MFSD8: variants seen among roughly 807,000 people sequenced by gnomAD.
MFSD8 encodes major facilitator superfamily domain-containing protein 8.
A neutral mutation model predicts 66.4 loss-of-function variants in MFSD8; 55 were observed. The observed-to-expected ratio is 0.83, with a 90% CI of 0.67 to 1.04. The LOEUF is 1.04. Ranked by LOEUF, MFSD8 falls within the 50% of genes least tolerant of loss-of-function variation. The pLI is 0.00. For synonymous variants in MFSD8, 202 were observed against 212.8 expected (o/e 0.95, Z 0.44); for missense variants, 550 against 627.6 (o/e 0.88, Z 1.32).
Position 127,921,721 on chromosome 4 carries a change from C to G in MFSD8, c.1153G>C (p.Gly385Arg), listed in dbSNP as rs11098943. 11,657 of 1,614,010 alleles carry G rather than the reference C, an allele frequency of 7.2e-3. 575 individuals are homozygous for G. The Admixed American group carries it at 0.1, about 14-fold the overall frequency. ...PNTTFGEIII[G>R]LWKSPMEDDN... ...TCTTCCATTGGAGACTTCCAAAGAC[C>G]AATAATAATTTCCCCAAATGTGGTA... Residue 385 changes from glycine (G) to arginine (R), a missense_variant, in exon 11 of 12, where the codon GGT becomes CGT. Physicochemically the swap from Gly to Arg is moderately radical, Grantham distance 125. Coordinates refer to ENST00000641686, the MANE Select transcript of MFSD8 (RefSeq NM_001371596.2).
intron 7 of MFSD8, among the ~76,000 whole-genome samples, chr4:127,935,913 A>G (rs1335763618): frequency 6.6e-6 from 1 of 152,224 alleles, no homozygotes; most frequent in Non-Finnish European, 1.5e-5. Context: ...TTTGTAGACC[A>G]GAAGCATCAC....
intron 8 of MFSD8, chr4:127,932,338 G>A (rs1249866004): frequency 1.3e-5 from 2 of 152,082 alleles, no homozygotes; most frequent in East Asian, 1.9e-4. Context: ...ATCTATGTAA[G>A]TTTAATAGAT....
At chr4:127,952,101 A>G (rs1310390969) in intron 2 of MFSD8, among the ~76,000 whole-genome samples, 3 of 151,808 alleles carry the variant, frequency 2.0e-5, no homozygotes, top group African/African-American at 7.3e-5. Flanking sequence ...TTAAAACATA[A>G]TTTAATTATT....
intron 2 of MFSD8, among the ~76,000 whole-genome samples, 188 bp from the exon 3 acceptor site, chr4:127,950,035 A>G (rs1478887900): frequency 2.0e-5 from 3 of 152,242 alleles, no homozygotes; most frequent in Non-Finnish European, 4.4e-5. Flanking sequence ...AGAACATACA[A>G]TTACAGTCCC....
intron 9 of MFSD8, among the ~76,000 whole-genome samples, chr4:127,926,449 C>T (rs1299317421): frequency 6.6e-6 from 1 of 150,540 alleles, no homozygotes; most frequent in African/African-American, 2.4e-5. Flanking sequence ...CTTGTCACTC[C>T]TTATTCTTTT....
In MFSD8 at chr4:127,965,099, G is replaced by A. The variant is rs749496400; in HGVS notation, c.35C>T (p.Pro12Leu). The change falls in exon 1 of 12, where the codon CCG becomes CTG. Residue 12 changes from proline (P) to leucine (L), a missense_variant. Pro to Leu is a moderately conservative substitution (Grantham distance 98). Coordinates refer to ENST00000641686, the MANE Select transcript of MFSD8 (RefSeq NM_001371596.2). The part of the protein sequence containing the change: ...AGLRNESEQE[P>L]LLGDTPGSRE... ...GCTTCCAGGTGTGTCGCCTAAGAGC[G>A]GCTCCTGTTCACTTTCGTTCCGCAG... 3.7e-6 allele frequency: 6 copies of A among 1,613,934 alleles called. No homozygotes were observed. The highest frequency in any genetic ancestry group is 1.1e-5 in the South Asian group (1 of 91,046).
chr4:127,919,592 A>C lies in MFSD8; in HGVS notation c.*1038T>G, dbSNP rs1432510062. 1.3e-5 allele frequency: 2 copies of C among 152,146 alleles called. No individual in the cohort carries two copies. The highest frequency in any genetic ancestry group is 2.9e-5 in the Non-Finnish European group (2 of 68,026). 9.4% of individuals were successfully genotyped at this position (152,146 alleles called of 1,614,324 possible). On this transcript the variant is annotated 3_prime_UTR_variant, in exon 12 of 12. Coordinates refer to ENST00000641686, the MANE Select transcript of MFSD8 (RefSeq NM_001371596.2). ...TTAGATTAAAGCCATTTTGCCTCAAATACTTATTAGCCTGACTAGTTTGGG... is the reference window on the plus strand; with the variant it reads ...TTAGATTAAAGCCATTTTGCCTCAACTACTTATTAGCCTGACTAGTTTGGG...
intron 3 of MFSD8, among the ~76,000 whole-genome samples, chr4:127,946,787 C>T (rs763948725): frequency 4.0e-5 from 6 of 151,772 alleles, no homozygotes; most frequent in Non-Finnish European, 7.4e-5. Context: ...TGGTGGTGCA[C>T]GACTGTAATC....
At chr4:127,933,826 T>C (rs1409204917) in intron 7 of MFSD8, 1 of 152,240 alleles carries the variant, frequency 6.6e-6, no homozygotes, top group Non-Finnish European at 1.5e-5. Flanking sequence ...ACTCCAGTGG[T>C]TTATTAAATC....
At chr4:127,920,971 A>G in intron 11 of MFSD8, 135 bp from the exon 12 acceptor site, 1 of 795,964 alleles carries the variant, frequency 1.3e-6, no homozygotes, top group Non-Finnish European at 2.0e-6. Flanking sequence ...ATTAAACATA[A>G]AATGCCTCCT....
intron 3 of MFSD8, among the ~76,000 whole-genome samples, chr4:127,948,973 G>T (rs1251675726): frequency 6.6e-6 from 1 of 152,164 alleles, no homozygotes; most frequent in Non-Finnish European, 1.5e-5. Flanking sequence ...TAATACAGGT[G>T]GTTTCAGGAA....
At chr4:127,953,112 A>C (rs961854283) in intron 2 of MFSD8, among the ~76,000 whole-genome samples, 3 of 152,150 alleles carry the variant, frequency 2.0e-5, no homozygotes, top group African/African-American at 7.2e-5. Context: ...CTCATGGTCT[A>C]AGAGAAACTC....
At chr4:127,936,302 C>T (rs1006889260) in intron 7 of MFSD8, among the ~76,000 whole-genome samples, 1 of 152,094 alleles carries the variant, frequency 6.6e-6, no homozygotes, top group African/African-American at 2.4e-5. Flanking sequence ...TTAGCAGAGA[C>T]AGGGTTTCAC....
At chr4:127,943,683 T>C in intron 4 of MFSD8, 69 bp downstream of exon 4, 1 of 1,595,646 alleles carries the variant, frequency 6.3e-7, no homozygotes, top group Non-Finnish European at 8.6e-7. Context: ...TGAGACCAGT[T>C]AAAAGTGAGC....
rs1280049868 is a variant in MFSD8 at position 127,920,529 on chromosome 4, G to A, written c.*101C>T. Reference sequence around the variant, plus strand: ...TTGTTCTTCAAAATCTGCAATATCTGTAGTCTGATTCTTGGAGACTGGCTC... The same window carrying A: ...TTGTTCTTCAAAATCTGCAATATCTATAGTCTGATTCTTGGAGACTGGCTC... On this transcript the variant is annotated 3_prime_UTR_variant, in exon 12 of 12. Coordinates refer to ENST00000641686, the MANE Select transcript of MFSD8 (RefSeq NM_001371596.2). 9.0e-7 allele frequency: 1 copy of A among 1,117,272 alleles called. No homozygotes were observed. Among genetic ancestry groups the A allele is most frequent in the African/African-American group, 1.5e-5 (1 of 65,434 alleles). 69.2% of individuals were successfully genotyped at this position (1,117,272 alleles called of 1,614,324 possible).
intron 9 of MFSD8, among the ~76,000 whole-genome samples, chr4:127,927,015 T>C (rs1247418518): frequency 6.6e-6 from 1 of 152,222 alleles, no homozygotes; most frequent in Non-Finnish European, 1.5e-5. Flanking sequence ...ATCTACAGTA[T>C]ACTGTATTTG....
At chr4:127,940,048 A>G in intron 5 of MFSD8, 51 bp from the exon 6 acceptor site, 1 of 1,520,098 alleles carries the variant, frequency 6.6e-7, no homozygotes, top group South Asian at 1.1e-5. Context: ...GAAGCATAGG[A>G]TAAAAAAATG....
At chr4:127,923,215 A>T (rs1165722690) in intron 9 of MFSD8, among the ~76,000 whole-genome samples, 1 of 152,172 alleles carries the variant, frequency 6.6e-6, no homozygotes, top group Non-Finnish European at 1.5e-5. Flanking sequence ...CGGTTTTCAA[A>T]GGGAATGCTT....
intron 9 of MFSD8, among the ~76,000 whole-genome samples, chr4:127,927,170 A>G (rs1737340303): frequency 9.4e-6 from 1 of 106,078 alleles, no homozygotes; most frequent in South Asian, 3.6e-4. Flanking sequence ...TAGGTGTATT[A>G]AATGTTTTTT....
Sources: gnomAD v4.1 joint callset for allele counts (sites outside exome capture counted in the v4.1 genomes callset) on GRCh38, gnomAD v4.1.1 for gene constraint, MANE v1.5 for transcripts, NCBI Gene and HGNC (gene_info 2026-07-23, HGNC 2026-07-21) for gene names.